RIMS1: variants seen among roughly 807,000 people sequenced by gnomAD.
RIMS1 encodes the protein regulating synaptic membrane exocytosis 1.
In RIMS1, 83 loss-of-function variants were observed where a neutral mutation model predicts 214.1. That is an observed-to-expected ratio of 0.39 (90% CI 0.32 to 0.47). RIMS1 has a LOEUF of 0.47. Among genes scored for constraint, RIMS1 ranks in the 20% least tolerant of loss-of-function variants. RIMS1 has a pLI of 0.99. For missense variants in RIMS1, 2,050 were observed against 2,161.8 expected (o/e 0.95, Z 1.03); for synonymous variants, 793 against 786.8 (o/e 1.01, Z -0.13).
chr6:72,257,722 T>G (rs2076460250), intron 16 of RIMS1, among the ~76,000 whole-genome samples: 1 of 152,174 alleles, frequency 6.6e-6, no homozygotes, highest in Non-Finnish European at 1.5e-5. Context: ...ATGAAGAATT[T>G]ATTTAAATTT....
intron 4 of RIMS1, chr6:72,179,347 A>G: frequency 1.9e-6 from 1 of 539,260 alleles, no homozygotes; most frequent in South Asian, 2.1e-5. Flanking sequence ...AATGCTGAGA[A>G]AAAACCTCTA....
At chr6:72,157,834 C>A (rs1304236627) in intron 4 of RIMS1, among the ~76,000 whole-genome samples, 1 of 140,116 alleles carries the variant, frequency 7.1e-6, no homozygotes, top group Non-Finnish European at 1.6e-5. Flanking sequence ...TTTATTACTT[C>A]TTTTGGATTA....
intron 6 of RIMS1, among the ~76,000 whole-genome samples, chr6:72,209,020 C>G (rs2053383288): frequency 1.3e-5 from 2 of 152,126 alleles, no homozygotes; most frequent in Non-Finnish European, 1.5e-5. Context: ...GACCAGTTCT[C>G]ATTGAAGATC....
chr6:71,904,976 A>G (rs2150509405), intron 1 of RIMS1, among the ~76,000 whole-genome samples: 1 of 152,254 alleles, frequency 6.6e-6, no homozygotes, highest in East Asian at 1.9e-4. Context: ...TTTTTTGTAA[A>G]TAAGACAATA....
intron 2 of RIMS1, among the ~76,000 whole-genome samples, chr6:72,006,903 G>A (rs1307570530): frequency 6.6e-6 from 1 of 152,212 alleles, no homozygotes; most frequent in Non-Finnish European, 1.5e-5. Flanking sequence ...TGGGGGCAGG[G>A]CATAGCCAAA....
At chr6:72,282,545 A>G (rs536912324) in intron 23 of RIMS1, among the ~76,000 whole-genome samples, 1 of 152,264 alleles carries the variant, frequency 6.6e-6, no homozygotes, top group East Asian at 1.9e-4. Context: ...CACATAAGGC[A>G]TGTGCCAGAA....
intron 6 of RIMS1, among the ~76,000 whole-genome samples, chr6:72,184,907 CCT>C (rs1024719243): frequency 2.0e-5 from 3 of 152,122 alleles, no homozygotes; most frequent in African/African-American, 7.2e-5. Context: ...CTATTAACCC[CCT>C]GAGTGTTGAA....
chr6:72,092,413 A>G (rs62409486), intron 2 of RIMS1, among the ~76,000 whole-genome samples: 32,828 of 151,912 alleles, frequency 0.22, 4,268 homozygotes, highest in East Asian at 0.31. Context: ...CCAGAGCAGA[A>G]TAAGAGAATC....
At chr6:72,010,276 A>G (rs1041312973) in intron 2 of RIMS1, among the ~76,000 whole-genome samples, 1 of 152,234 alleles carries the variant, frequency 6.6e-6, no homozygotes, top group Non-Finnish European at 1.5e-5. Context: ...ACAAAATTCA[A>G]CAGCCCTTCA....
chr6:72,209,742 A>T (rs945894570), intron 6 of RIMS1, among the ~76,000 whole-genome samples: 1 of 152,062 alleles, frequency 6.6e-6, no homozygotes, highest in Admixed American at 6.6e-5. Flanking sequence ...TCTACTAAAA[A>T]TACAAAAAAT....
At chr6:72,285,803 G>A (rs367703150) in intron 24 of RIMS1, among the ~76,000 whole-genome samples, 1 of 152,028 alleles carries the variant, frequency 6.6e-6, no homozygotes, top group Non-Finnish European at 1.5e-5. Context: ...ATCATTTTCA[G>A]CCCCCTCTAC....
chr6:72,161,498 C>T (rs1312614751), intron 4 of RIMS1, among the ~76,000 whole-genome samples: 1 of 140,378 alleles, frequency 7.1e-6, no homozygotes, highest in Admixed American at 7.3e-5. Flanking sequence ...AATTTTAGAT[C>T]TTTCCTGCTT....
intron 9 of RIMS1, 116 bp downstream of exon 9, chr6:72,238,038 T>C (rs2154100127): frequency 2.0e-6 from 1 of 508,636 alleles, no homozygotes; most frequent in Non-Finnish European, 3.4e-6. Flanking sequence ...TGTATGTATG[T>C]ATATATCAAT....
intron 29 of RIMS1, among the ~76,000 whole-genome samples, chr6:72,372,733 A>C (rs2154403591): frequency 6.6e-6 from 1 of 152,332 alleles, no homozygotes; most frequent in Middle Eastern, 3.4e-3. Context: ...ACTGTGTCTA[A>C]TCTTCAGCGA....
intron 22 of RIMS1, among the ~76,000 whole-genome samples, chr6:72,268,107 T>G (rs1222921583): frequency 6.6e-6 from 1 of 152,136 alleles, no homozygotes. Flanking sequence ...CATCAAGTAA[T>G]TACAGAAGCT....
intron 19 of RIMS1, chr6:72,263,497 C>T: frequency 1.0e-6 from 1 of 984,008 alleles, no homozygotes; most frequent in Non-Finnish European, 1.2e-6. Flanking sequence ...CTTGAACATT[C>T]AGACTATAAA....
intron 29 of RIMS1, among the ~76,000 whole-genome samples, chr6:72,360,270 C>A (rs546480860): frequency 6.6e-6 from 1 of 152,314 alleles, no homozygotes; most frequent in Admixed American, 6.5e-5. Flanking sequence ...TATAAACACC[C>A]TCTGAATAAT....
intron 6 of RIMS1, among the ~76,000 whole-genome samples, chr6:72,184,233 A>C (rs1330937643): frequency 6.6e-6 from 1 of 152,188 alleles, no homozygotes; most frequent in Non-Finnish European, 1.5e-5. Context: ...TGACACTAGA[A>C]GTGCTCCCAA....
At chr6:72,368,259 G>T (rs1276531805) in intron 29 of RIMS1, among the ~76,000 whole-genome samples, 1 of 140,392 alleles carries the variant, frequency 7.1e-6, no homozygotes, top group Non-Finnish European at 1.5e-5. Context: ...TAAACTTGGT[G>T]TAAGACCAAC....
Sources: gnomAD v4.1 joint callset for allele counts (sites outside exome capture counted in the v4.1 genomes callset) on GRCh38, gnomAD v4.1.1 for gene constraint, MANE v1.5 for transcripts, NCBI Gene and HGNC (gene_info 2026-07-23, HGNC 2026-07-21) for gene names.